Variants in KANSL1 observed in about 807,000 individuals in gnomAD.
KANSL1 encodes KAT8 regulatory NSL complex subunit 1.
A neutral mutation model predicts 103.6 loss-of-function variants in KANSL1; 22 were observed. The ratio of observed to expected loss-of-function variants is 0.21; its 90% CI spans 0.15 to 0.30. KANSL1 has a LOEUF of 0.30. Ranked by LOEUF, KANSL1 falls within the 10% of genes least tolerant of loss-of-function variation. The probability of loss-of-function intolerance (pLI) is 1.00; values close to 1 mark genes in which losing one functional copy is unlikely to be tolerated. For missense variants in KANSL1, 1,337 were observed against 1,399.8 expected (o/e 0.96, Z 0.72); for synonymous variants, 600 against 527.6 (o/e 1.14, Z -1.88).
At chr17:46,056,299 C>G (rs912399204) in intron 6 of KANSL1, among the ~76,000 whole-genome samples, 2 of 151,594 alleles carry the variant, frequency 1.3e-5, no homozygotes, top group African/African-American at 4.9e-5. Flanking sequence ...GTGCCTGGCC[C>G]CAAATAAAGA....
chr17:46,050,435 A>G, intron 7 of KANSL1, 98 bp downstream of exon 7: 1 of 1,238,842 alleles, frequency 8.1e-7, no homozygotes, highest in South Asian at 1.5e-5. Flanking sequence ...TGTACCTTGA[A>G]AGTATCTGAG....
At chr17:46,208,241 G>A (rs2048037573) in intron 1 of KANSL1, among the ~76,000 whole-genome samples, 1 of 152,156 alleles carries the variant, frequency 6.6e-6, no homozygotes, top group East Asian at 1.9e-4. Flanking sequence ...CTATGTGTAG[G>A]TGTTGAGGGT....
At chr17:46,156,360 C>CA (rs1464203742) in intron 2 of KANSL1, among the ~76,000 whole-genome samples, 3 of 151,992 alleles carry the variant, frequency 2.0e-5, no homozygotes, top group African/African-American at 7.3e-5. Context: ...AAAACATTAA[C>CA]AAAGAATACT....
intron 1 of KANSL1, among the ~76,000 whole-genome samples, chr17:46,174,229 C>T (rs1402872828): frequency 2.0e-5 from 3 of 152,130 alleles, no homozygotes; most frequent in African/African-American, 7.2e-5. Context: ...TCTGTCGCCA[C>T]GCTGGAGTGC....
At chr17:46,094,343 T>G in intron 3 of KANSL1, 1 of 567,302 alleles carries the variant, frequency 1.8e-6, no homozygotes, top group Non-Finnish European at 3.0e-6. Context: ...ATGATCCTCC[T>G]GCCTTGGCCT....
intron 1 of KANSL1, among the ~76,000 whole-genome samples, chr17:46,184,711 T>A (rs2046937437): frequency 6.6e-6 from 1 of 152,132 alleles, no homozygotes; most frequent in Non-Finnish European, 1.5e-5. Flanking sequence ...TCCCCATTAC[T>A]CCCAGGTTGA....
At chr17:46,181,806 GA>G (rs1385745346) in intron 1 of KANSL1, among the ~76,000 whole-genome samples, 1 of 152,050 alleles carries the variant, frequency 6.6e-6, no homozygotes, top group Non-Finnish European at 1.5e-5. Context: ...AATTGATACG[GA>G]CCCAGAACTC....
intron 2 of KANSL1, among the ~76,000 whole-genome samples, chr17:46,116,767 C>T (rs953059516): frequency 6.6e-6 from 1 of 152,180 alleles, no homozygotes; most frequent in Non-Finnish European, 1.5e-5. Context: ...TTTTCCAATA[C>T]AGCTCAAGAA....
intron 2 of KANSL1, among the ~76,000 whole-genome samples, chr17:46,140,735 AAAG>A (rs1194460983): frequency 6.6e-6 from 1 of 152,234 alleles, no homozygotes; most frequent in Non-Finnish European, 1.5e-5. Context: ...AAGGATCTCC[AAAG>A]AAGATATACA....
chr17:46,108,992 G>A (rs779166397), intron 2 of KANSL1, among the ~76,000 whole-genome samples: 5 of 152,106 alleles, frequency 3.3e-5, no homozygotes, highest in Non-Finnish European at 5.9e-5. Context: ...ACTGTCACCC[G>A]GGCTGAAGGG....
At chr17:46,060,503 T>C (rs530668533) in intron 6 of KANSL1, among the ~76,000 whole-genome samples, 4 of 152,330 alleles carry the variant, frequency 2.6e-5, no homozygotes, top group East Asian at 1.9e-4. Flanking sequence ...CACAGAGTGA[T>C]TTCTGAGTAT....
chr17:46,096,662 G>A (rs534961892), intron 2 of KANSL1, among the ~76,000 whole-genome samples: 5 of 150,538 alleles, frequency 3.3e-5, no homozygotes, highest in African/African-American at 7.3e-5. Context: ...TCTGTCGCCC[G>A]GGCTGGAGTC....
Position 46,132,588 on chromosome 17 carries a change from G to A in KANSL1, c.1290-37887C>T, listed in dbSNP as rs146767535. 9.9e-5 allele frequency among the ~76,000 whole-genome samples: 15 copies of A among 152,270 alleles called. No homozygotes were observed. In the East Asian group the frequency reaches 2.5e-3, roughly 25 times the overall value. ...TAATCTGTGTTTTAACAGCACTCCA[G>A]GTAATTGTGATGACCATTAATGTTA... On this transcript the variant is annotated intron_variant, in intron 2 of 14. Coordinates refer to ENST00000432791, the MANE Select transcript of KANSL1 (RefSeq NM_015443.4).
At chr17:46,067,742 T>C (rs2078433293) in intron 4 of KANSL1, 75 bp from the exon 5 acceptor site, 2 of 759,174 alleles carry the variant, frequency 2.6e-6, no homozygotes, top group African/African-American at 3.5e-5. Context: ...CACCACTTCA[T>C]TTGCACAAAG....
chr17:46,213,482 T>A (rs1018373279), intron 1 of KANSL1, among the ~76,000 whole-genome samples: 1 of 141,796 alleles, frequency 7.1e-6, no homozygotes, highest in Non-Finnish European at 1.6e-5. Context: ...TTTTTTTTTT[T>A]TTTTTTTAGT....
chr17:46,152,594 G>GA (rs1555568602), intron 2 of KANSL1, among the ~76,000 whole-genome samples: 700 of 135,496 alleles, frequency 5.2e-3, no homozygotes, highest in Non-Finnish European at 7.2e-3. Flanking sequence ...GGGGGGGGGG[G>GA]ATTTCAGAGA....
chr17:46,106,291 T>C (rs1413801116), intron 2 of KANSL1, among the ~76,000 whole-genome samples: 18 of 152,218 alleles, frequency 1.2e-4, no homozygotes, highest in Admixed American at 1.1e-3. Flanking sequence ...GCTCCAACTT[T>C]AGTAAGTCTA....
chr17:46,136,295 C>G (rs2044139515), intron 2 of KANSL1, among the ~76,000 whole-genome samples: 2 of 152,210 alleles, frequency 1.3e-5, no homozygotes, highest in Non-Finnish European at 2.9e-5. Context: ...CTTCCTTGAT[C>G]AAAACTCTTA....
chr17:46,031,558 G>A lies in KANSL1; in HGVS notation c.3236C>T (p.Ala1079Val), dbSNP rs370112084. Residue 1079 changes from alanine to valine, a missense_variant, in exon 15 of 15, where the codon GCG becomes GTG. Ala to Val is a moderately conservative substitution (Grantham distance 64). Transcript: ENST00000432791. ...GGGGACAATGGGAGGCGAGGTGGGCGCTGCCTCTGTCTCCCGGCCAGTCTT... is the reference window on the plus strand; with the variant it reads ...GGGGACAATGGGAGGCGAGGTGGGCACTGCCTCTGTCTCCCGGCCAGTCTT... ...GSKTGRETEA[A>V]PTSPPIVPLK... is the part of the protein sequence containing the mutation. The A allele has an allele frequency of 4.1e-5, 66 of 1,613,884 alleles. No individual in the cohort carries two copies. The highest frequency in any genetic ancestry group is 6.7e-5 in the East Asian group (3 of 44,884).
Sources: allele counts gnomAD v4.1 joint callset (sites outside exome capture counted in the v4.1 genomes callset), GRCh38; gene constraint gnomAD v4.1.1; transcripts MANE v1.5; gene names NCBI Gene and HGNC (gene_info 2026-07-23, HGNC 2026-07-21).